The following SCAPER variants were observed in gnomAD, a reference collection of about 807,000 sequenced individuals.
SCAPER encodes S-phase cyclin A associated protein in the ER.
In SCAPER, 98 loss-of-function variants were observed where a neutral mutation model predicts 182.2. That is an observed-to-expected ratio of 0.54 (90% confidence interval 0.46 to 0.64). The LOEUF (loss-of-function observed/expected upper bound fraction) is 0.64. Among genes scored for constraint, SCAPER ranks in the 30% least tolerant of loss-of-function variants. The pLI, the probability that SCAPER is intolerant of heterozygous loss-of-function variation, is 0.00. For synonymous variants in SCAPER, 605 were observed against 564.6 expected, an observed-to-expected ratio of 1.07 and a Z score of -1.01; for missense variants, 1,432 against 1,690.0, an observed-to-expected ratio of 0.85 and a Z score of 2.68.
At chr15:76,718,338 T>C (rs1211111669) in intron 17 of SCAPER, among the ~76,000 whole-genome samples, 4 of 152,234 alleles carry the variant, frequency 2.6e-5, no homozygotes, top group Middle Eastern at 6.8e-3. Flanking sequence ...AACATCAGCC[T>C]AAGGAATGGG....
At chr15:76,683,341 T>C (rs181157095) in intron 20 of SCAPER, among the ~76,000 whole-genome samples, 2 of 151,554 alleles carry the variant, frequency 1.3e-5, no homozygotes, top group East Asian at 3.9e-4. Flanking sequence ...ATTAACTCAG[T>C]CAAACAAAAT....
chr15:76,839,951 A>C (rs887122186), intron 5 of SCAPER, among the ~76,000 whole-genome samples: 1 of 152,208 alleles, frequency 6.6e-6, no homozygotes, highest in African/African-American at 2.4e-5. Flanking sequence ...ACAACAACAA[A>C]AAAAGAAACT....
At chr15:76,479,095 T>C (rs1332165006) in intron 24 of SCAPER, among the ~76,000 whole-genome samples, 1 of 152,140 alleles carries the variant, frequency 6.6e-6, no homozygotes, top group Non-Finnish European at 1.5e-5. Context: ...GTGTGGAATG[T>C]ATATCTACAT....
intron 2 of SCAPER, among the ~76,000 whole-genome samples, chr15:76,881,951 G>A: frequency 6.6e-6 from 1 of 152,112 alleles, no homozygotes; most frequent in East Asian, 1.9e-4. Flanking sequence ...AGAGAAGAAA[G>A]CTGAATTTCT....
rs2045614045 is a variant in SCAPER at position 76,415,922 on chromosome 15, AT to A, written c.3312-11244del. 2.0e-5 allele frequency among the ~76,000 whole-genome samples: 3 copies of A among 152,326 alleles called. No individual in the cohort carries two copies. In the South Asian group the frequency reaches 6.2e-4, roughly 32 times the overall value. Reference sequence around the variant, plus strand: ...TTGGTACACAGATATCTATAATTTTATTTTGTGTATGTTGACAGTATTTCAT... The same window carrying A: ...TTGGTACACAGATATCTATAATTTTATTTGTGTATGTTGACAGTATTTCAT... On this transcript the variant is annotated intron_variant, in intron 26 of 31. Coordinates refer to ENST00000563290, the MANE Select transcript of SCAPER (RefSeq NM_020843.4).
chr15:76,491,709 G>T (rs976900415), intron 24 of SCAPER, among the ~76,000 whole-genome samples: 16 of 152,130 alleles, frequency 1.1e-4, no homozygotes, highest in Non-Finnish European at 1.5e-4. Flanking sequence ...TAAGCTCACT[G>T]CAACCCCCGC....
chr15:76,686,345 C>T (rs1402179895), intron 20 of SCAPER, among the ~76,000 whole-genome samples: 2 of 151,962 alleles, frequency 1.3e-5, no homozygotes, highest in Non-Finnish European at 2.9e-5. Context: ...AAATAAAAAT[C>T]AAGCCTATAA....
chr15:76,832,418 G>A (rs2068562513), intron 5 of SCAPER, among the ~76,000 whole-genome samples: 2 of 152,158 alleles, frequency 1.3e-5, no homozygotes, highest in Non-Finnish European at 2.9e-5. Context: ...ATCAGTGCAA[G>A]CATATAAAGA....
At chr15:76,570,874 G>T (rs1456443727) in intron 23 of SCAPER, among the ~76,000 whole-genome samples, 1 of 152,030 alleles carries the variant, frequency 6.6e-6, no homozygotes, top group Admixed American at 6.6e-5. Flanking sequence ...GAAATAATAT[G>T]GGTGATGTGA....
At chr15:76,447,717 C>T (rs1194474536) in intron 25 of SCAPER, among the ~76,000 whole-genome samples, 1 of 152,168 alleles carries the variant, frequency 6.6e-6, no homozygotes, top group African/African-American at 2.4e-5. Context: ...AACTACAAAA[C>T]ACATTAGCTT....
At chr15:76,554,347 C>T (rs2046017895) in intron 23 of SCAPER, among the ~76,000 whole-genome samples, 1 of 152,152 alleles carries the variant, frequency 6.6e-6, no homozygotes. Flanking sequence ...GATACTAAGT[C>T]TACAACTCAC....
intron 23 of SCAPER, among the ~76,000 whole-genome samples, chr15:76,534,309 A>G (rs553857501): frequency 6.6e-6 from 1 of 152,332 alleles, no homozygotes; most frequent in East Asian, 1.9e-4. Context: ...TCAAGAAAAC[A>G]AAGATCTTGT....
intron 27 of SCAPER, among the ~76,000 whole-genome samples, chr15:76,388,249 C>T (rs908386567): frequency 6.6e-6 from 1 of 152,076 alleles, no homozygotes; most frequent in African/African-American, 2.4e-5. Context: ...TATTTATGAC[C>T]CCACGGGAGA....
chr15:76,581,881 T>A (rs947476630), intron 22 of SCAPER, among the ~76,000 whole-genome samples: 1 of 152,144 alleles, frequency 6.6e-6, no homozygotes, highest in Non-Finnish European at 1.5e-5. Flanking sequence ...CCACCATGCC[T>A]GGCCTGAAAA....
chr15:76,693,565 A>G (rs2058493614), intron 20 of SCAPER, among the ~76,000 whole-genome samples: 1 of 152,246 alleles, frequency 6.6e-6, no homozygotes, highest in African/African-American at 2.4e-5. Flanking sequence ...TGCAATAACC[A>G]AAAGGTGAAA....
chr15:76,816,164 C>A (rs2067060633), intron 5 of SCAPER, among the ~76,000 whole-genome samples: 1 of 152,154 alleles, frequency 6.6e-6, no homozygotes, highest in African/African-American at 2.4e-5. Context: ...TTAGACTACA[C>A]AAAATCCATA....
intron 15 of SCAPER, among the ~76,000 whole-genome samples, chr15:76,752,573 T>C (rs1300378381): frequency 6.6e-6 from 1 of 151,728 alleles, no homozygotes; most frequent in Non-Finnish European, 1.5e-5. Flanking sequence ...AATTCTAACA[T>C]ATGCTATAAC....
intron 18 of SCAPER, 75 bp from the exon 19 acceptor site, chr15:76,703,077 C>T: frequency 7.0e-7 from 1 of 1,434,072 alleles, no homozygotes; most frequent in African/African-American, 1.5e-5. Context: ...AATAATATTT[C>T]CATTAAAACT....
intron 21 of SCAPER, among the ~76,000 whole-genome samples, chr15:76,627,936 A>T (rs1475218913): frequency 6.6e-6 from 1 of 151,904 alleles, no homozygotes; most frequent in Admixed American, 6.6e-5. Context: ...TTTCTCCACA[A>T]CCTCACTAGC....
Sources: allele counts gnomAD v4.1 joint callset (sites outside exome capture counted in the v4.1 genomes callset), GRCh38; gene constraint gnomAD v4.1.1; transcripts MANE v1.5; gene names NCBI Gene and HGNC (gene_info 2026-07-23, HGNC 2026-07-21).